Variants in TBL1X observed in about 807,000 individuals in gnomAD.
The protein encoded by TBL1X is F-box-like/WD repeat-containing protein TBL1X.
TBL1X carries 10 observed loss-of-function variants against 50.7 expected under a neutral mutation model. The observed-to-expected ratio is 0.20, with a 90% CI of 0.12 to 0.33. The LOEUF (loss-of-function observed/expected upper bound fraction) is 0.33. Among genes scored for constraint, TBL1X ranks in the 10% least tolerant of loss-of-function variants. The probability of loss-of-function intolerance (pLI) is 1.00; values close to 1 mark genes in which losing one functional copy is unlikely to be tolerated. For synonymous variants in TBL1X, 190 were observed against 214.7 expected (o/e 0.88, Z 1.01); for missense variants, 340 against 504.4 (o/e 0.67, Z 3.12).
chrX:9,689,892 T>C (rs1353657277), intron 7 of TBL1X, among the ~76,000 whole-genome samples: 40 of 112,558 alleles, frequency 3.6e-4, no homozygotes, highest in Non-Finnish European at 3.7e-5. Flanking sequence ...GTTGTTTGAA[T>C]CTTTTGTATC....
At chrX:9,486,599 C>A (rs1487431931) in intron 1 of TBL1X, among the ~76,000 whole-genome samples, 239 of 95,987 alleles carry the variant, frequency 2.5e-3, no homozygotes, top group African/African-American at 9.6e-3. Context: ...ACCCCCCCCC[C>A]ACGCCCCCGC....
Position 9,479,393 on chromosome X carries a change from C to G in TBL1X, c.-201+13946C>G, listed in dbSNP as rs144370509. Reference sequence around the variant, plus strand: ...CCTGGGAGGCGGAGGTTGCAGTGAGCTGAGATCACGCCACTGCACTCCAGT... The same window carrying G: ...CCTGGGAGGCGGAGGTTGCAGTGAGGTGAGATCACGCCACTGCACTCCAGT... On this transcript the variant is annotated intron_variant, in intron 1 of 17. Transcript: ENST00000645353. 6.2e-3 allele frequency among the ~76,000 whole-genome samples: 698 copies of G among 112,383 alleles called. 6 individuals carry two copies. Among genetic ancestry groups the G allele is most frequent in the African/African-American group, 0.022 (667 of 30,911 alleles).
At chrX:9,697,235 A>C (rs1182956604) in intron 11 of TBL1X, 134 bp from the exon 12 acceptor site, 1 of 786,799 alleles carries the variant, frequency 1.3e-6, no homozygotes, top group African/African-American at 2.1e-5. Context: ...CTAGCCCATA[A>C]GGCTCACTCT....
chrX:9,507,790 C>T (rs781566058), intron 2 of TBL1X, among the ~76,000 whole-genome samples: 5 of 111,661 alleles, frequency 4.5e-5, no homozygotes, highest in African/African-American at 1.6e-4. Flanking sequence ...TAACACCATA[C>T]ATCTGTAACC....
chrX:9,503,517 A>T (rs1034854850), intron 2 of TBL1X, among the ~76,000 whole-genome samples: 1 of 110,565 alleles, frequency 9.0e-6, no homozygotes, highest in Non-Finnish European at 1.9e-5. Flanking sequence ...ACTGCCTAAC[A>T]TGCTAAGCTC....
At chrX:9,677,036 A>T (rs1405947348) in intron 5 of TBL1X, among the ~76,000 whole-genome samples, 1 of 111,263 alleles carries the variant, frequency 9.0e-6, no homozygotes, top group Non-Finnish European at 1.9e-5. Flanking sequence ...TAACTCCGTG[A>T]GAGTGTGCGT....
intron 2 of TBL1X, among the ~76,000 whole-genome samples, chrX:9,593,222 T>G (rs1438008078): frequency 9.2e-6 from 1 of 109,098 alleles, no homozygotes; most frequent in African/African-American, 3.4e-5. Flanking sequence ...GCCAATGTGT[T>G]GAAACTCCGT....
At chrX:9,608,565 A>G (rs1365081922) in intron 2 of TBL1X, among the ~76,000 whole-genome samples, 1 of 111,420 alleles carries the variant, frequency 9.0e-6, no homozygotes, top group Non-Finnish European at 1.9e-5. Flanking sequence ...GGGAATTGAA[A>G]GAGATTTATG....
At chrX:9,577,987 C>G (rs904102887) in intron 2 of TBL1X, among the ~76,000 whole-genome samples, 1 of 112,334 alleles carries the variant, frequency 8.9e-6, no homozygotes, top group African/African-American at 3.2e-5. Flanking sequence ...GAAAACTCCT[C>G]TTTGCCTCTG....
At chrX:9,530,706 C>T (rs1167951282) in intron 2 of TBL1X, among the ~76,000 whole-genome samples, 1 of 112,471 alleles carries the variant, frequency 8.9e-6, no homozygotes, top group African/African-American at 3.2e-5. Context: ...CTTATCTTTT[C>T]ATCACAAATG....
chrX:9,653,862 C>T (rs967440466), intron 4 of TBL1X, among the ~76,000 whole-genome samples, 173 bp downstream of exon 4: 3 of 111,875 alleles, frequency 2.7e-5, no homozygotes, highest in Non-Finnish European at 5.6e-5. Context: ...TTATGGGGCG[C>T]GCTGCGGATC....
chrX:9,647,402 T>A (rs2082810717), intron 3 of TBL1X, among the ~76,000 whole-genome samples: 1 of 112,067 alleles, frequency 8.9e-6, no homozygotes, highest in African/African-American at 3.2e-5. Flanking sequence ...GGAAGGTGGT[T>A]ATTTCGTTTT....
intron 1 of TBL1X, among the ~76,000 whole-genome samples, chrX:9,485,082 C>T (rs977732739): frequency 1.1e-4 from 12 of 110,456 alleles, no homozygotes; most frequent in Non-Finnish European, 1.7e-4. Context: ...AGCACAAGAC[C>T]CTGTTGCATA....
intron 5 of TBL1X, among the ~76,000 whole-genome samples, chrX:9,659,762 A>G (rs936387726): frequency 8.9e-6 from 1 of 112,156 alleles, no homozygotes; most frequent in Admixed American, 9.4e-5. Flanking sequence ...GTTGAGTCAC[A>G]GAACTCCTCT....
intron 2 of TBL1X, among the ~76,000 whole-genome samples, chrX:9,595,563 A>G (rs2082522923): frequency 8.9e-6 from 1 of 112,048 alleles, no homozygotes; most frequent in Admixed American, 9.5e-5. Flanking sequence ...GCAGCTGGTC[A>G]GGGCCCTTCT....
chrX:9,608,489 T>C (rs925101347), intron 2 of TBL1X, among the ~76,000 whole-genome samples: 1 of 111,770 alleles, frequency 8.9e-6, no homozygotes, highest in Non-Finnish European at 1.9e-5. Context: ...TATTCCTAGT[T>C]TGGAGTCAGC....
intron 2 of TBL1X, among the ~76,000 whole-genome samples, chrX:9,620,701 C>G (rs1326121058): frequency 8.9e-6 from 1 of 111,782 alleles, no homozygotes; most frequent in Non-Finnish European, 1.9e-5. Context: ...CATGGTGGAG[C>G]GAGTGACCAA....
chrX:9,714,758 A>G, intron 16 of TBL1X, 144 bp from the exon 17 acceptor site: 2 of 556,630 alleles, frequency 3.6e-6, no homozygotes, highest in Admixed American at 2.9e-5. Flanking sequence ...CATGGCCCCC[A>G]GAGTCCTTAC....
Position 9,709,239 on chromosome X carries a change from C to A in TBL1X, c.1237-9C>A. 1 of 1,210,008 alleles carries A rather than the reference C, an allele frequency of 8.3e-7. No individual in the cohort carries two copies. The highest frequency in any genetic ancestry group is 3.0e-5 in the East Asian group (1 of 33,820). On this transcript the variant is annotated splice_polypyrimidine_tract_variant and intron_variant, in intron 13 of 17. Coordinates refer to ENST00000645353, the MANE Select transcript of TBL1X (RefSeq NM_005647.4). ...GATGTCTTTTTCACACTCTTCTGCT[C>A]TCTTTCAGAACGAGGTCAACGCCAT...
Sources: allele counts gnomAD v4.1 joint callset (sites outside exome capture counted in the v4.1 genomes callset), GRCh38; gene constraint gnomAD v4.1.1; transcripts MANE v1.5; gene names NCBI Gene and HGNC (gene_info 2026-07-23, HGNC 2026-07-21).